The following OPHN1 variants were observed in gnomAD, a reference collection of about 807,000 sequenced individuals.
OPHN1 encodes oligophrenin-1.
A neutral mutation model predicts 60.7 loss-of-function variants in OPHN1; 11 were observed. The ratio of observed to expected loss-of-function variants is 0.18; its 90% CI spans 0.11 to 0.30. The LOEUF (loss-of-function observed/expected upper bound fraction) is 0.30, where lower values mean the gene tolerates loss of function less well. Ranked by LOEUF, OPHN1 falls within the 10% of genes least tolerant of loss-of-function variation. The pLI, the probability that OPHN1 is intolerant of heterozygous loss-of-function variation, is 1.00. For missense variants in OPHN1, 449 were observed against 611.0 expected (o/e 0.73, Z 2.80); for synonymous variants, 226 against 222.6 (o/e 1.02, Z -0.14).
At chrX:68,360,360 A>G (rs951489743) in intron 2 of OPHN1, among the ~76,000 whole-genome samples, 1 of 110,494 alleles carries the variant, frequency 9.1e-6, no homozygotes, top group Non-Finnish European at 1.9e-5. Context: ...AAAATTTTGT[A>G]GAAATAGAGT....
chrX:68,193,974 A>C, intron 13 of OPHN1, 22 bp from the exon 14 acceptor site: 1 of 1,170,760 alleles, frequency 8.5e-7, no homozygotes, highest in Non-Finnish European at 1.2e-6. Context: ...AAAGGAAAAG[A>C]GTTAGATCCT....
intron 2 of OPHN1, among the ~76,000 whole-genome samples, chrX:68,369,576 C>T (rs1390615204): frequency 2.7e-5 from 3 of 109,944 alleles, no homozygotes; most frequent in Non-Finnish European, 3.8e-5. Flanking sequence ...CTTAAATATG[C>T]TAAAAGAGCT....
At chrX:68,097,348 A>C (rs780511056) in intron 18 of OPHN1, among the ~76,000 whole-genome samples, 16 of 111,229 alleles carry the variant, frequency 1.4e-4, no homozygotes, top group Non-Finnish European at 3.8e-5. Context: ...GCAAGAGGAC[A>C]TTCAAAGCAA....
At chrX:68,420,022 T>C (rs1267304175) in intron 2 of OPHN1, among the ~76,000 whole-genome samples, 1 of 111,447 alleles carries the variant, frequency 9.0e-6, no homozygotes, top group Non-Finnish European at 1.9e-5. Context: ...CTCAGCAGCC[T>C]TCACAGAATA....
At chrX:68,384,493 G>C (rs1265697302) in intron 2 of OPHN1, among the ~76,000 whole-genome samples, 1 of 112,119 alleles carries the variant, frequency 8.9e-6, no homozygotes, top group Non-Finnish European at 1.9e-5. Context: ...GCTGAGGCAG[G>C]TAGATCACCT....
chrX:68,261,646 G>C (rs1269542949), intron 5 of OPHN1, among the ~76,000 whole-genome samples: 2 of 111,627 alleles, frequency 1.8e-5, no homozygotes, highest in Non-Finnish European at 3.8e-5. Context: ...AAGAAATCTA[G>C]AGTGTGGCTG....
intron 2 of OPHN1, among the ~76,000 whole-genome samples, chrX:68,393,980 C>G (rs1049070116): frequency 1.1e-5 from 1 of 93,410 alleles, no homozygotes; most frequent in Non-Finnish European, 2.1e-5. Context: ...ACTGCAAGCT[C>G]CGCCTCCCGG....
At chrX:68,267,924 G>T (rs1044595264) in intron 5 of OPHN1, among the ~76,000 whole-genome samples, 2 of 111,822 alleles carry the variant, frequency 1.8e-5, no homozygotes, top group African/African-American at 3.3e-5. Flanking sequence ...AAATAAACTA[G>T]AAAATCTAGA....
intron 2 of OPHN1, among the ~76,000 whole-genome samples, chrX:68,335,721 G>A (rs2078319139): frequency 9.0e-6 from 1 of 111,261 alleles, no homozygotes; most frequent in Admixed American, 9.7e-5. Context: ...TTGAGGTCAG[G>A]AGTTAGAGAC....
chrX:68,147,948 A>T (rs188170643), intron 15 of OPHN1, among the ~76,000 whole-genome samples: 4 of 111,829 alleles, frequency 3.6e-5, no homozygotes, highest in African/African-American at 1.3e-4. Flanking sequence ...TTTTGACTTG[A>T]GCACCATCTC....
rs1800103844 is a variant in OPHN1, at chrX:68,432,953, T to C, written c.68A>G (p.Lys23Arg). 1 of 1,210,464 alleles carries C rather than the reference T, an allele frequency of 8.3e-7. No individual in the cohort carries two copies. Among genetic ancestry groups the C allele is most frequent in the Middle Eastern group, 2.3e-4 (1 of 4,352 alleles). Residue 23 changes from lysine to arginine, a missense_variant, in exon 2 of 25, where the codon AAG becomes AGG. By Grantham distance (26) the Lys-to-Arg change is conservative (BLOSUM62 2). Transcript: ENST00000355520. ...CCTCTCCAGTTCCTGCTCATAACAC[T>C]TGAGCCTCTCGCGGAAATCGGGGCT... The part of the protein sequence containing the change: ...LDSPDFRERL[K>R]CYEQELERTN...
intron 15 of OPHN1, 183 bp downstream of exon 15, chrX:68,192,736 C>T: frequency 2.3e-6 from 1 of 440,013 alleles, no homozygotes; most frequent in Non-Finnish European, 4.0e-6. Context: ...GGAGAGATAA[C>T]AGCCATTTTC....
intron 2 of OPHN1, among the ~76,000 whole-genome samples, chrX:68,419,321 T>C (rs1346332494): frequency 4.6e-5 from 5 of 109,167 alleles, no homozygotes; most frequent in Non-Finnish European, 9.5e-5. Flanking sequence ...TCTGCTAGCG[T>C]GGCCATCCAA....
At chrX:68,070,269 T>C (rs983957740) in intron 20 of OPHN1, among the ~76,000 whole-genome samples, 2 of 111,360 alleles carry the variant, frequency 1.8e-5, no homozygotes, top group African/African-American at 3.3e-5. Context: ...AATATGCATA[T>C]ATGCATTCTA....
At chrX:68,224,515 T>C (rs1331992227) in intron 6 of OPHN1, among the ~76,000 whole-genome samples, 1 of 110,995 alleles carries the variant, frequency 9.0e-6, no homozygotes, top group Admixed American at 9.6e-5. Flanking sequence ...TAAAATAAAA[T>C]AAGAAATGTT....
At chrX:68,223,018 G>T (rs1480390619) in intron 6 of OPHN1, among the ~76,000 whole-genome samples, 1 of 111,173 alleles carries the variant, frequency 9.0e-6, no homozygotes, top group East Asian at 2.8e-4. Flanking sequence ...ACTCAGAAAG[G>T]CCATTATTAA....
chrX:68,433,038 GT>G lies in OPHN1; in HGVS notation c.-4-15del. On this transcript the variant is annotated splice_polypyrimidine_tract_variant and intron_variant, in intron 1 of 24. Transcript: ENST00000355520. ...TGACCCATGGTTCTGATGGCCGGGA[GT>G]AGGGGGAAAGGGGAAAGACACAAAG... is the stretch of plus-strand genomic sequence containing the variant. 1 of 1,190,412 alleles carries G rather than the reference GT, an allele frequency of 8.4e-7. No homozygotes were observed. The highest frequency in any genetic ancestry group is 1.1e-6 in the Non-Finnish European group (1 of 883,766).
At chrX:68,105,507 G>C (rs1328940706) in intron 18 of OPHN1, among the ~76,000 whole-genome samples, 2 of 110,260 alleles carry the variant, frequency 1.8e-5, no homozygotes, top group Non-Finnish European at 3.8e-5. Flanking sequence ...GTCCTTTGCA[G>C]GGACATGGAT....
intron 2 of OPHN1, among the ~76,000 whole-genome samples, chrX:68,376,993 G>C (rs1211921632): frequency 1.9e-5 from 2 of 104,138 alleles, no homozygotes; most frequent in Non-Finnish European, 3.9e-5. Context: ...GCAGTGGCAC[G>C]ATCTCGGCTC....
Sources: gnomAD v4.1 joint callset for allele counts (sites outside exome capture counted in the v4.1 genomes callset) on GRCh38, gnomAD v4.1.1 for gene constraint, MANE v1.5 for transcripts, NCBI Gene and HGNC (gene_info 2026-07-23, HGNC 2026-07-21) for gene names.